Variants in NAALADL2 observed in about 807,000 individuals in gnomAD.
The protein encoded by NAALADL2 is N-acetylated alpha-linked acidic dipeptidase like 2, also known as inactive N-acetylated-alpha-linked acidic dipeptidase-like protein 2.
Under a neutral mutation model 87.2 loss-of-function variants are expected in NAALADL2, and 76 were observed. That is an observed-to-expected ratio of 0.87 (90% CI 0.72 to 1.05). The LOEUF (loss-of-function observed/expected upper bound fraction) is 1.05. Among genes scored for constraint, NAALADL2 ranks in the 50% least tolerant of loss-of-function variants. NAALADL2 has a pLI of 0.00. For synonymous variants in NAALADL2, 354 were observed against 331.0 expected (o/e 1.07, Z -0.75); for missense variants, 1,089 against 945.8 (o/e 1.15, Z -1.99).
In NAALADL2 at chr3:175,003,424, CAG is replaced by C. The variant is rs538205269; in HGVS notation, c.44-93363_44-93362del. 1.4e-4 allele frequency among the ~76,000 whole-genome samples: 21 copies of C among 152,262 alleles called. No homozygotes were observed. The East Asian group carries it at 3.3e-3, about 24-fold the overall frequency. On this transcript the variant is annotated intron_variant, in intron 1 of 13. Coordinates refer to ENST00000454872, the MANE Select transcript of NAALADL2 (RefSeq NM_207015.3). Reference sequence around the variant, plus strand: ...TGAGCAGCATGCTAGCAGCAATAAACAGAGGCATAGGTGTGAGAGGTTTTCAA... The same window carrying C: ...TGAGCAGCATGCTAGCAGCAATAAACAGGCATAGGTGTGAGAGGTTTTCAA...
chr3:174,869,541 TTA>T (rs1417883800), intron 1 of NAALADL2, among the ~76,000 whole-genome samples: 9 of 152,262 alleles, frequency 5.9e-5, no homozygotes, highest in African/African-American at 2.2e-4. Flanking sequence ...ATTCGCTGGA[TTA>T]CAGAGAGTCG....
chr3:175,579,021 G>C (rs868424040), intron 10 of NAALADL2, among the ~76,000 whole-genome samples: 1 of 152,176 alleles, frequency 6.6e-6, no homozygotes, highest in Non-Finnish European at 1.5e-5. Context: ...TAGGGACTGA[G>C]CTCATTATCT....
rs1720883624 is a variant in NAALADL2, at chr3:174,817,002, T to C, written c.-9+79256T>C. ...GGTAGTATTACTTTATTCTATGTCT[T>C]CAGTCACTGGGTGTTCTACAACAGG... On this transcript the variant is annotated intron_variant, in intron 3 of 3. Transcript: ENST00000434257. Among the ~76,000 whole-genome samples, 3 of 152,238 alleles carry C rather than the reference T, an allele frequency of 2.0e-5. No homozygotes were observed. The South Asian group carries it at 6.2e-4, about 32-fold the overall frequency.
intron 1 of NAALADL2, among the ~76,000 whole-genome samples, chr3:174,958,327 G>A (rs1741456166): frequency 6.6e-6 from 1 of 151,610 alleles, no homozygotes; most frequent in Non-Finnish European, 1.5e-5. Context: ...GCTATTTATT[G>A]AATAAGTAAA....
intron 2 of NAALADL2, among the ~76,000 whole-genome samples, chr3:174,591,681 ATGT>A (rs1293553408): frequency 1.3e-5 from 2 of 152,152 alleles, no homozygotes; most frequent in Non-Finnish European, 2.9e-5. Context: ...AATAAAATAC[ATGT>A]TGTGCCTTTT....
At chr3:175,555,552 T>C (rs1454539936) in intron 9 of NAALADL2, among the ~76,000 whole-genome samples, 1 of 152,206 alleles carries the variant, frequency 6.6e-6, no homozygotes, top group Non-Finnish European at 1.5e-5. Flanking sequence ...CCCAACTGTA[T>C]CACAAGCTCC....
At chr3:175,479,243 T>G (rs554688688) in intron 9 of NAALADL2, among the ~76,000 whole-genome samples, 2 of 151,966 alleles carry the variant, frequency 1.3e-5, no homozygotes, top group East Asian at 3.9e-4. Context: ...AATAATTTGA[T>G]TCAATGAAAG....
chr3:174,765,743 T>C (rs1713730420), intron 3 of NAALADL2, among the ~76,000 whole-genome samples: 1 of 152,220 alleles, frequency 6.6e-6, no homozygotes, highest in African/African-American at 2.4e-5. Context: ...ATGCCATTTA[T>C]TGACAAAATG....
chr3:175,119,613 G>A (rs958605313), intron 2 of NAALADL2, among the ~76,000 whole-genome samples: 1 of 150,546 alleles, frequency 6.6e-6, no homozygotes, highest in African/African-American at 2.4e-5. Context: ...GTCAGATTAT[G>A]AAAAGCCTTA....
chr3:174,883,507 A>T (rs1729689715), intron 1 of NAALADL2, among the ~76,000 whole-genome samples: 1 of 152,220 alleles, frequency 6.6e-6, no homozygotes, highest in Non-Finnish European at 1.5e-5. Context: ...AGCAATACTT[A>T]AATGCTGATG....
chr3:175,115,524 T>C (rs1465176085), intron 2 of NAALADL2, among the ~76,000 whole-genome samples: 6 of 151,682 alleles, frequency 4.0e-5, no homozygotes, highest in African/African-American at 1.5e-4. Context: ...AATACTTTCT[T>C]ACCCAATTTA....
chr3:174,632,239 A>G (rs775578526), intron 2 of NAALADL2, among the ~76,000 whole-genome samples: 1 of 152,282 alleles, frequency 6.6e-6, no homozygotes, highest in Non-Finnish European at 1.5e-5. Context: ...GGATTGTTTA[A>G]AAACGCTAAA....
chr3:174,971,626 T>A (rs1385573421), intron 1 of NAALADL2, among the ~76,000 whole-genome samples: 2 of 151,954 alleles, frequency 1.3e-5, no homozygotes, highest in African/African-American at 4.8e-5. Flanking sequence ...TACCTTCCCT[T>A]TTTTAGGTGC....
chr3:175,333,583 G>A (rs1032864697), intron 5 of NAALADL2, among the ~76,000 whole-genome samples: 6 of 152,232 alleles, frequency 3.9e-5, no homozygotes, highest in Non-Finnish European at 8.8e-5. Flanking sequence ...ATATAAATAT[G>A]CGTGTTCTTA....
chr3:175,795,060 G>A (rs1396832070), intron 13 of NAALADL2, among the ~76,000 whole-genome samples: 1 of 152,042 alleles, frequency 6.6e-6, no homozygotes, highest in Non-Finnish European at 1.5e-5. Flanking sequence ...CCATCCTGGG[G>A]GCTCTACCCT....
At chr3:174,515,609 C>G (rs1486189285) in intron 1 of NAALADL2, among the ~76,000 whole-genome samples, 2 of 149,862 alleles carry the variant, frequency 1.3e-5, no homozygotes, top group African/African-American at 2.5e-5. Flanking sequence ...GATGTGTGAT[C>G]AAGTTTTATA....
intron 1 of NAALADL2, among the ~76,000 whole-genome samples, chr3:174,992,337 C>T (rs1370408416): frequency 2.0e-5 from 3 of 151,960 alleles, no homozygotes; most frequent in African/African-American, 4.8e-5. Context: ...TTTGAAGCAA[C>T]GTAATTTCTT....
intron 2 of NAALADL2, among the ~76,000 whole-genome samples, chr3:174,647,849 A>G (rs1723954339): frequency 6.6e-6 from 1 of 152,222 alleles, no homozygotes; most frequent in Non-Finnish European, 1.5e-5. Context: ...TGCAAAGAAG[A>G]ACATCATATA....
Position 175,550,546 on chromosome 3 carries a change from A to G in NAALADL2, c.1654-25495A>G, listed in dbSNP as rs187713013. Among the ~76,000 whole-genome samples the G allele has an allele frequency of 2.7e-3, 413 of 152,328 alleles. 2 individuals carry two copies. Among genetic ancestry groups the G allele is most frequent in the African/African-American group, 9.0e-3 (376 of 41,590 alleles). ...TTACTGATAAAATAAAGATATTGTT[A>G]AGGATACTGATTGGTATTTTACTCC... On this transcript the variant is annotated intron_variant, in intron 9 of 13. Coordinates refer to ENST00000454872, the MANE Select transcript of NAALADL2 (RefSeq NM_207015.3).
Sources: gnomAD v4.1 joint callset for allele counts (sites outside exome capture counted in the v4.1 genomes callset) on GRCh38, gnomAD v4.1.1 for gene constraint, MANE v1.5 for transcripts, NCBI Gene and HGNC (gene_info 2026-07-23, HGNC 2026-07-21) for gene names.